RAP1GAP2: variants seen among roughly 807,000 people sequenced by gnomAD.
The protein encoded by RAP1GAP2 is RAP1 GTPase activating protein 2, also known as rap1 GTPase-activating protein 2.
A neutral mutation model predicts 95.0 loss-of-function variants in RAP1GAP2; 27 were observed. The observed-to-expected ratio is 0.28, with a 90% CI of 0.21 to 0.39. The LOEUF (loss-of-function observed/expected upper bound fraction) is 0.39. Among genes scored for constraint, RAP1GAP2 ranks in the 10% least tolerant of loss-of-function variants. The pLI is 1.00. For missense variants in RAP1GAP2, 771 were observed against 970.0 expected (o/e 0.79, Z 2.72); for synonymous variants, 373 against 380.9 (o/e 0.98, Z 0.24).
chr17:2,927,397 C>T (rs892087223), intron 3 of RAP1GAP2, among the ~76,000 whole-genome samples: 19 of 152,296 alleles, frequency 1.2e-4, no homozygotes, highest in East Asian at 3.9e-4. Context: ...TCGTGATCCG[C>T]CCGCCTTGGC....
intron 13 of RAP1GAP2, among the ~76,000 whole-genome samples, chr17:2,995,896 G>T (rs1248408789): frequency 6.6e-6 from 1 of 152,196 alleles, no homozygotes; most frequent in Non-Finnish European, 1.5e-5. Flanking sequence ...GAAGCCGCCT[G>T]TGCCACTTTG....
chr17:2,989,584 C>T (rs960573946), intron 11 of RAP1GAP2, among the ~76,000 whole-genome samples: 2 of 152,096 alleles, frequency 1.3e-5, no homozygotes, highest in African/African-American at 2.4e-5. Context: ...CCACCCGCCT[C>T]GGCCTCCCAT....
At chr17:3,030,100 A>AATATACATATATGTATATATTAT (rs1301857898) in intron 22 of RAP1GAP2, among the ~76,000 whole-genome samples, 6 of 147,804 alleles carry the variant, frequency 4.1e-5, no homozygotes, top group Non-Finnish European at 8.9e-5. Context: ...AGATACACAT[A>AATATACATATATGTATATATTAT]ATATACATAT....
chr17:2,918,997 A>G (rs7214883), intron 3 of RAP1GAP2, among the ~76,000 whole-genome samples: 34,858 of 152,128 alleles, frequency 0.23, 5,208 homozygotes, highest in African/African-American at 0.4. Flanking sequence ...GAGACCATCT[A>G]GGGGGAAGTA....
intron 1 of RAP1GAP2, among the ~76,000 whole-genome samples, chr17:2,781,517 CGTGTGAGCACGTCTCT>C (rs1487066159): frequency 1.1e-4 from 17 of 150,478 alleles, no homozygotes; most frequent in Non-Finnish European, 1.8e-4. Context: ...GTGTGTGCAC[CGTGTGAGCACGTCTCT>C]GTGTGAGCAC....
intron 3 of RAP1GAP2, among the ~76,000 whole-genome samples, chr17:2,939,166 C>T (rs2043399122): frequency 6.6e-6 from 1 of 152,144 alleles, no homozygotes; most frequent in South Asian, 2.1e-4. Flanking sequence ...TCTTGGCTCA[C>T]TGCAATGTCT....
intron 2 of RAP1GAP2, among the ~76,000 whole-genome samples, chr17:2,812,631 C>T (rs917493596): frequency 6.6e-6 from 1 of 152,060 alleles, no homozygotes; most frequent in African/African-American, 2.4e-5. Context: ...TCCTTCCTTC[C>T]CTCCCCCAGG....
chr17:2,801,336 G>A (rs1252135838), intron 2 of RAP1GAP2, among the ~76,000 whole-genome samples: 1 of 151,302 alleles, frequency 6.6e-6, no homozygotes, highest in African/African-American at 2.4e-5. Flanking sequence ...TTAGCTGAGC[G>A]TGATGGCACT....
At position 2,885,227 on chromosome 17, in the gene RAP1GAP2, T is replaced by A. The variant is rs371897368; in HGVS notation, c.81-20057T>A. On this transcript the variant is annotated intron_variant, in intron 2 of 24. Coordinates refer to ENST00000254695, the MANE Select transcript of RAP1GAP2 (RefSeq NM_015085.5). ...TTTTGTATTTCTGGTAGAGATGGGG[T>A]TTCCCCATGTTGGCCAGGCTGGTCT... is the stretch of plus-strand genomic sequence containing the variant. Among the ~76,000 whole-genome samples the A allele has an allele frequency of 5.3e-5, 8 of 151,994 alleles. No homozygotes were observed. The East Asian group carries it at 1.4e-3, about 26-fold the overall frequency.
chr17:2,818,355 G>C (rs1188285754), intron 2 of RAP1GAP2, among the ~76,000 whole-genome samples: 1 of 150,380 alleles, frequency 6.6e-6, no homozygotes, highest in African/African-American at 2.4e-5. Flanking sequence ...TTGAGACGGA[G>C]TCTCTGTTGC....
At chr17:3,024,609 G>T (rs1419405656) in intron 19 of RAP1GAP2, among the ~76,000 whole-genome samples, 1 of 152,206 alleles carries the variant, frequency 6.6e-6, no homozygotes, top group Non-Finnish European at 1.5e-5. Flanking sequence ...TACAACTAGT[G>T]TACAGATACT....
intron 2 of RAP1GAP2, among the ~76,000 whole-genome samples, chr17:2,886,502 A>G (rs1190802805): frequency 6.6e-6 from 1 of 152,214 alleles, no homozygotes; most frequent in African/African-American, 2.4e-5. Context: ...ATAAAAATTT[A>G]AAAATCAGAA....
intron 2 of RAP1GAP2, among the ~76,000 whole-genome samples, chr17:2,884,169 G>T (rs117856695): frequency 6.6e-6 from 1 of 152,146 alleles, no homozygotes; most frequent in Admixed American, 6.6e-5. Flanking sequence ...ATCCTCTTAC[G>T]CCAGGACTCT....
At chr17:2,911,796 G>A (rs892625742) in intron 3 of RAP1GAP2, among the ~76,000 whole-genome samples, 5 of 152,144 alleles carry the variant, frequency 3.3e-5, no homozygotes, top group Non-Finnish European at 4.4e-5. Context: ...CCCAGGCCCC[G>A]TGAAGTAAAG....
intron 1 of RAP1GAP2, among the ~76,000 whole-genome samples, chr17:2,759,975 C>T (rs755537311): frequency 1.3e-5 from 2 of 151,978 alleles, no homozygotes; most frequent in African/African-American, 2.4e-5. Flanking sequence ...GAAGTTGTAC[C>T]GTTTTATATT....
At chr17:2,872,026 C>T (rs1352749912) in intron 2 of RAP1GAP2, among the ~76,000 whole-genome samples, 1 of 151,892 alleles carries the variant, frequency 6.6e-6, no homozygotes, top group African/African-American at 2.4e-5. Context: ...GAATTCGAGA[C>T]CAGACTAGCC....
intron 3 of RAP1GAP2, among the ~76,000 whole-genome samples, chr17:2,942,115 G>A (rs1160813467): frequency 1.3e-5 from 2 of 152,144 alleles, no homozygotes; most frequent in African/African-American, 4.8e-5. Context: ...TGCTGAGTTG[G>A]CAAACCTTGA....
chr17:3,020,506 C>G lies in RAP1GAP2; in HGVS notation c.1662C>G (p.Asn554Lys). 6.2e-7 allele frequency: 1 copy of G among 1,613,916 alleles called. No individual in the cohort carries two copies. The highest frequency in any genetic ancestry group is 8.5e-7 in the Non-Finnish European group (1 of 1,179,872). The change falls in exon 19 of 25, where the codon AAC becomes AAG. Residue 554 changes from asparagine (N) to lysine (K), a missense_variant. Transcript: ENST00000254695. ...CAGTGGTGGCGGCAACGGTGAAGAACCAGTCACGGAGTCCCATCAAGCGAC... is the reference window on the plus strand; with the variant it reads ...CAGTGGTGGCGGCAACGGTGAAGAAGCAGTCACGGAGTCCCATCAAGCGAC... Reference protein sequence around the residue: ...SPPVVAATVKNQSRSPIKRRS... With the variant: ...SPPVVAATVKKQSRSPIKRRS...
Position 2,766,566 on chromosome 17 carries a change from C to T in RAP1GAP2, c.51-3763C>T, listed in dbSNP as rs578250382. Among the ~76,000 whole-genome samples, 20 of 151,902 alleles carry T rather than the reference C, an allele frequency of 1.3e-4. No individual in the cohort carries two copies. In the South Asian group the frequency reaches 2.3e-3, roughly 17 times the overall value. On this transcript the variant is annotated intron_variant, in intron 1 of 25. Transcript: ENST00000637138. ...TGGAGGTTGCTGTGAGCCGAGATCA[C>T]GCCATTGCACTCCAGCTCAGGTGAC... is the stretch of plus-strand genomic sequence containing the variant.
Sources: allele counts gnomAD v4.1 joint callset (sites outside exome capture counted in the v4.1 genomes callset), GRCh38; gene constraint gnomAD v4.1.1; transcripts MANE v1.5; gene names NCBI Gene and HGNC (gene_info 2026-07-23, HGNC 2026-07-21).